OR6C75: variants seen among roughly 807,000 people sequenced by gnomAD.
OR6C75 encodes olfactory receptor family 6 subfamily C member 75.
For synonymous variants in OR6C75, 149 were observed against 130.6 expected, an observed-to-expected ratio of 1.14 and a Z score of -0.96; for missense variants, 380 against 368.0, an observed-to-expected ratio of 1.03 and a Z score of -0.27.
Position 55,366,082 on chromosome 12 carries a change from C to A in OR6C75, c.*33C>A. The stretch of plus-strand genomic sequence containing the variant: ...TATGTAAAAAATGTACCCCCAAAGG[C>A]AAAGCTGAATGAAAAACTCTCTACC... On this transcript the variant is annotated 3_prime_UTR_variant, in exon 3 of 3. Transcript: ENST00000641576. The A allele has an allele frequency of 2.2e-6, 3 of 1,356,718 alleles. No individual in the cohort carries two copies. The highest frequency in any genetic ancestry group is 2.0e-6 in the Non-Finnish European group (2 of 992,938). 84.0% of individuals were successfully genotyped at this position (1,356,718 alleles called of 1,614,324 possible).
rs751572793 is a variant in OR6C75 at position 55,365,083 on chromosome 12, A to G, written c.-28A>G. 6.7e-7 allele frequency: 1 copy of G among 1,489,426 alleles called. No individual in the cohort carries two copies. Among genetic ancestry groups the G allele is most frequent in the South Asian group, 1.2e-5 (1 of 84,708 alleles). 92.3% of individuals were successfully genotyped at this position (1,489,426 alleles called of 1,614,324 possible). ...TCTTCACCTATTTTACAGCGAAAATACAGAATACTTTTCTAAAGAAAAAAA... is the reference window on the plus strand; with the variant it reads ...TCTTCACCTATTTTACAGCGAAAATGCAGAATACTTTTCTAAAGAAAAAAA... On this transcript the variant is annotated 5_prime_UTR_variant, in exon 3 of 3. The change creates a new upstream start codon in the 5' untranslated region. Coordinates refer to ENST00000641576, the MANE Select transcript of OR6C75 (RefSeq NM_001005497.2).
At position 55,365,730 on chromosome 12, in the gene OR6C75, T is replaced by G; in HGVS notation, c.620T>G (p.Val207Gly). ...TTTTTAGCTGTGGTAACACTGATGG[T>G]CACCTTGACATTAGTTATTCTCTCC... ...AFFLAVVTLMVTLTLVILSYT... is the reference protein window; with the variant it reads ...AFFLAVVTLMGTLTLVILSYT... The change falls in exon 3 of 3, where the codon GTC (valine) becomes GGC (glycine). Residue 207 changes from valine to glycine, a missense_variant. Coordinates refer to ENST00000641576, the MANE Select transcript of OR6C75 (RefSeq NM_001005497.2). The G allele has an allele frequency of 1.2e-6, 2 of 1,614,100 alleles. No homozygotes were observed. Among genetic ancestry groups the G allele is most frequent in the Non-Finnish European group, 1.7e-6 (2 of 1,179,980 alleles).
chr12:55,364,173 G>T (rs898634073), intron 2 of OR6C75, among the ~76,000 whole-genome samples: 1 of 150,888 alleles, frequency 6.6e-6, no homozygotes, highest in African/African-American at 2.4e-5. Flanking sequence ...TAGAGACGGG[G>T]TTTCACCATA....
chr12:55,365,628 A>C lies in OR6C75; in HGVS notation c.518A>C (p.Asp173Ala), dbSNP rs1441699538. Reference sequence around the variant, plus strand: ...GATTTCTGTGCCTCCAATGTAATTGATCATTTTATCTGTGACTCTTCTCCA... The same window carrying C: ...GATTTCTGTGCCTCCAATGTAATTGCTCATTTTATCTGTGACTCTTCTCCA... Reference protein sequence around the residue: ...QLDFCASNVIDHFICDSSPML... With the variant: ...QLDFCASNVIAHFICDSSPML... The change falls in exon 3 of 3, where the codon GAT becomes GCT. Residue 173 changes from aspartate to alanine, a missense_variant. By Grantham distance (126) the Asp-to-Ala change is moderately radical. Transcript: ENST00000641576. 6.2e-7 allele frequency: 1 copy of C among 1,614,022 alleles called. No homozygotes were observed. The highest frequency in any genetic ancestry group is 2.2e-5 in the East Asian group (1 of 44,874).
At chr12:55,363,610 T>C (rs571797815) in intron 1 of OR6C75, among the ~76,000 whole-genome samples, 183 bp from the exon 2 acceptor site, 63 of 152,122 alleles carry the variant, frequency 4.1e-4, no homozygotes, top group Middle Eastern at 6.8e-3. Context: ...CTTTTTTTCT[T>C]TTCTTTTGAA....
chr12:55,365,838 T>C lies in OR6C75; in HGVS notation c.728T>C (p.Met243Thr), dbSNP rs760024759. The part of the protein sequence containing the change: ...KKAFSTCSSH[M>T]IVVSISYSSC... Reference sequence around the variant, plus strand: ...GCCTTTTCCACTTGCTCCTCCCATATGATAGTTGTCTCCATCTCTTACAGT... The same window carrying C: ...GCCTTTTCCACTTGCTCCTCCCATACGATAGTTGTCTCCATCTCTTACAGT... The change falls in exon 3 of 3, where the codon ATG becomes ACG. Residue 243 changes from methionine (M) to threonine (T), a missense_variant. Met to Thr is a moderately conservative substitution (Grantham distance 81). Coordinates refer to ENST00000641576, the MANE Select transcript of OR6C75 (RefSeq NM_001005497.2). 3 of 1,613,798 alleles carry C rather than the reference T, an allele frequency of 1.9e-6. No homozygotes were observed. The highest frequency in any genetic ancestry group is 3.3e-5 in the Admixed American group (2 of 59,996).
In OR6C75 at chr12:55,367,097, T is replaced by G. The variant is rs1869822387; in HGVS notation, c.*1048T>G. On this transcript the variant is annotated 3_prime_UTR_variant, in exon 3 of 3. Transcript: ENST00000641576. Reference sequence around the variant, plus strand: ...TTGGTTTTTCCTTTTCTAGTAAACCTATAATATTTTATTTATCTTTCCATT... The same window carrying G: ...TTGGTTTTTCCTTTTCTAGTAAACCGATAATATTTTATTTATCTTTCCATT... 1 of 152,162 alleles carries G rather than the reference T, an allele frequency of 6.6e-6. No homozygotes were observed. The highest frequency in any genetic ancestry group is 2.4e-5 in the African/African-American group (1 of 41,436). The allele number at this position is 152,162 out of a possible 1,614,324, so 9.4% of individuals were successfully genotyped here.
chr12:55,364,798 C>G, intron 2 of OR6C75, 78 bp from the exon 3 acceptor site: 1 of 249,768 alleles, frequency 4.0e-6, no homozygotes, highest in Non-Finnish European at 7.6e-6. Context: ...TACATTAGCT[C>G]TCTAGATTTA....
At position 55,365,286 on chromosome 12, in the gene OR6C75, T is replaced by C; in HGVS notation, c.176T>C (p.Phe59Ser). Reference sequence around the variant, plus strand: ...CCCCATCTGCAGACTCCCATGTATTTCTTCCTTCGGAACTTCTCATTCCTG... The same window carrying C: ...CCCCATCTGCAGACTCCCATGTATTCCTTCCTTCGGAACTTCTCATTCCTG... ...SDPHLQTPMYFFLRNFSFLEI... is the reference protein window; with the variant it reads ...SDPHLQTPMYSFLRNFSFLEI... The change falls in exon 3 of 3, where the codon TTC becomes TCC. Residue 59 changes from phenylalanine to serine, a missense_variant. By Grantham distance (155) the Phe-to-Ser change is radical. Coordinates refer to ENST00000641576, the MANE Select transcript of OR6C75 (RefSeq NM_001005497.2). The C allele has an allele frequency of 6.2e-7, 1 of 1,613,960 alleles. No homozygotes were observed. The highest frequency in any genetic ancestry group is 8.5e-7 in the Non-Finnish European group (1 of 1,179,938).
rs962164963 is a variant in OR6C75 at position 55,368,579 on chromosome 12, A to G, written c.*2530A>G. 1 of 152,246 alleles carries G rather than the reference A, an allele frequency of 6.6e-6. No homozygotes were observed. The highest frequency in any genetic ancestry group is 6.5e-5 in the Admixed American group (1 of 15,272). 9.4% of individuals were successfully genotyped at this position (152,246 alleles called of 1,614,324 possible). On this transcript the variant is annotated 3_prime_UTR_variant, in exon 3 of 3. Coordinates refer to ENST00000641576, the MANE Select transcript of OR6C75 (RefSeq NM_001005497.2). Reference sequence around the variant, plus strand: ...GCACCACTGCACTCCAGCCTGGGCGATAGAGCGAAACTCTATCTCGATAAA... The same window carrying G: ...GCACCACTGCACTCCAGCCTGGGCGGTAGAGCGAAACTCTATCTCGATAAA...
In OR6C75 at chr12:55,367,873, C is replaced by G. The variant is rs1869838762; in HGVS notation, c.*1824C>G. 6.6e-6 allele frequency: 1 copy of G among 152,034 alleles called. No individual in the cohort carries two copies. Among genetic ancestry groups the G allele is most frequent in the Admixed American group, 6.6e-5 (1 of 15,246 alleles). 9.4% of individuals were successfully genotyped at this position (152,034 alleles called of 1,614,324 possible). On this transcript the variant is annotated 3_prime_UTR_variant, in exon 3 of 3. Coordinates refer to ENST00000641576, the MANE Select transcript of OR6C75 (RefSeq NM_001005497.2). The stretch of plus-strand genomic sequence containing the variant: ...ACACCAATAACATTCAAGCTGAGAA[C>G]CAAATAAAAAACGCAATCTTGGCTG...
Position 55,366,025 on chromosome 12 carries a change from G to C in OR6C75, c.915G>C (p.Lys305Asn). Residue 305 changes from lysine (K) to asparagine (N), a missense_variant, in exon 3 of 3, where the codon AAG (lysine) becomes AAC (asparagine). Transcript: ENST00000641576. ...AAGCCTTCAAGAGCATGGTCCAGAA[G>C]ATGATTTTTTCTTTAAATAAATGAA... Reference protein sequence around the residue: ...VKQAFKSMVQKMIFSLNK With the variant: ...VKQAFKSMVQNMIFSLNK The C allele has an allele frequency of 1.3e-6, 2 of 1,572,156 alleles. No individual in the cohort carries two copies. Among genetic ancestry groups the C allele is most frequent in the Non-Finnish European group, 1.7e-6 (2 of 1,162,574 alleles).
chr12:55,364,974 A>T lies in OR6C75; in HGVS notation c.-137A>T. Reference sequence around the variant, plus strand: ...CTGCCATTTGTGACATTACGGATGAACCTGGAAGGCATTATGGTAAATGGA... The same window carrying T: ...CTGCCATTTGTGACATTACGGATGATCCTGGAAGGCATTATGGTAAATGGA... On this transcript the variant is annotated 5_prime_UTR_variant, in exon 3 of 3. Transcript: ENST00000641576. 2 of 620,362 alleles carry T rather than the reference A, an allele frequency of 3.2e-6. No individual in the cohort carries two copies. Among genetic ancestry groups the T allele is most frequent in the South Asian group, 2.0e-5 (1 of 49,272 alleles). 38.4% of individuals were successfully genotyped at this position (620,362 alleles called of 1,614,324 possible). A position where few individuals can be genotyped will look rare whatever the true frequency, so the allele number is the denominator to read the frequency against.
chr12:55,365,021 T>C lies in OR6C75; in HGVS notation c.-90T>C. 1.2e-6 allele frequency: 1 copy of C among 847,716 alleles called. No homozygotes were observed. The highest frequency in any genetic ancestry group is 1.8e-6 in the Non-Finnish European group (1 of 541,164). The allele number at this position is 847,716 out of a possible 1,614,324, so 52.5% of individuals were successfully genotyped here. A position where few individuals can be genotyped will look rare whatever the true frequency, so the allele number is the denominator to read the frequency against. ...TGGAAAGAGCCAGACAGAAAAAAAA[T>C]AATAATTTTCTTTACTGGTGTCATA... is the stretch of plus-strand genomic sequence containing the variant. On this transcript the variant is annotated 5_prime_UTR_variant, in exon 3 of 3. An upstream open reading frame in the 5' UTR loses its in-frame stop. Transcript: ENST00000641576.
Position 55,365,679 on chromosome 12 carries a change from C to G in OR6C75, c.569C>G (p.Thr190Ser). The G allele has an allele frequency of 6.2e-7, 1 of 1,614,116 alleles. No individual in the cohort carries two copies. The highest frequency in any genetic ancestry group is 8.5e-7 in the Non-Finnish European group (1 of 1,179,998). The change falls in exon 3 of 3, where the codon ACT (threonine) becomes AGT (serine). Residue 190 changes from threonine to serine, a missense_variant. Physicochemically the swap from Thr to Ser is moderately conservative, Grantham distance 58. Coordinates refer to ENST00000641576, the MANE Select transcript of OR6C75 (RefSeq NM_001005497.2). ...SPMLQLSCTNTHFLELMAFFL... is the reference protein window; with the variant it reads ...SPMLQLSCTNSHFLELMAFFL... Reference sequence around the variant, plus strand: ...ATGCTGCAGCTCTCTTGCACAAACACTCACTTTCTAGAACTCATGGCATTT... The same window carrying G: ...ATGCTGCAGCTCTCTTGCACAAACAGTCACTTTCTAGAACTCATGGCATTT...
Position 55,366,852 on chromosome 12 carries a change from T to C in OR6C75, c.*803T>C, listed in dbSNP as rs964945796. On this transcript the variant is annotated 3_prime_UTR_variant, in exon 3 of 3. Transcript: ENST00000641576. ...TCCTTTGATAATATTTCCTTAAAAA[T>C]AGATTATTTAACAGAGAACTTTTCT... The C allele has an allele frequency of 2.3e-4, 35 of 152,134 alleles. No individual in the cohort carries two copies. The highest frequency in any genetic ancestry group is 8.0e-4 in the African/African-American group (33 of 41,446). The allele number at this position is 152,134 out of a possible 1,614,324, so 9.4% of individuals were successfully genotyped here.
At position 55,366,074 on chromosome 12, in the gene OR6C75, C is replaced by T. The variant is rs113835522; in HGVS notation, c.*25C>T. 2,924 of 1,410,696 alleles carry T rather than the reference C, an allele frequency of 2.1e-3. 14 individuals carry two copies. Among genetic ancestry groups the T allele is most frequent in the South Asian group, 0.011 (802 of 73,262 alleles). The allele number at this position is 1,410,696 out of a possible 1,614,324, so 87.4% of individuals were successfully genotyped here. A position where few individuals can be genotyped will look rare whatever the true frequency, so the allele number is the denominator to read the frequency against. On this transcript the variant is annotated 3_prime_UTR_variant, in exon 3 of 3. Transcript: ENST00000641576. ...AATGTGATTATGTAAAAAATGTACC[C>T]CCAAAGGCAAAGCTGAATGAAAAAC...
chr12:55,367,294 A>G lies in OR6C75; in HGVS notation c.*1245A>G, dbSNP rs11171437. The G allele has an allele frequency of 0.51, 77,243 of 152,000 alleles. 22,251 individuals carry two copies. Among genetic ancestry groups the G allele is most frequent in the South Asian group, 0.71 (3,442 of 4,814 alleles). 9.4% of individuals were successfully genotyped at this position (152,000 alleles called of 1,614,324 possible). Reference sequence around the variant, plus strand: ...TTGAATCCAGCAGCACATCAAAAAGATAATTCACCACGATCAAGTGGGCTT... The same window carrying G: ...TTGAATCCAGCAGCACATCAAAAAGGTAATTCACCACGATCAAGTGGGCTT... On this transcript the variant is annotated 3_prime_UTR_variant, in exon 3 of 3. Coordinates refer to ENST00000641576, the MANE Select transcript of OR6C75 (RefSeq NM_001005497.2).
At position 55,365,721 on chromosome 12, in the gene OR6C75, C is replaced by T. The variant is rs926889557; in HGVS notation, c.611C>T (p.Thr204Ile). ...ATGGCATTTTTTTTAGCTGTGGTAA[C>T]ACTGATGGTCACCTTGACATTAGTT... ...ELMAFFLAVV[T>I]LMVTLTLVIL... The change falls in exon 3 of 3, where the codon ACA (threonine) becomes ATA (isoleucine). Residue 204 changes from threonine to isoleucine, a missense_variant. Thr to Ile is a moderately conservative substitution (Grantham distance 89). Transcript: ENST00000641576. 1.2e-6 allele frequency: 2 copies of T among 1,614,024 alleles called. No individual in the cohort carries two copies. The highest frequency in any genetic ancestry group is 1.1e-5 in the South Asian group (1 of 91,076).
Sources: gnomAD v4.1 joint callset for allele counts (sites outside exome capture counted in the v4.1 genomes callset) on GRCh38, gnomAD v4.1.1 for gene constraint, MANE v1.5 for transcripts, NCBI Gene and HGNC (gene_info 2026-07-23, HGNC 2026-07-21) for gene names.